Variants in GATAD2B observed in about 807,000 individuals in gnomAD.
GATAD2B encodes the protein GATA zinc finger domain containing 2B, also known as transcriptional repressor p66-beta.
A neutral mutation model predicts 64.3 loss-of-function variants in GATAD2B; 8 were observed. The ratio of observed to expected loss-of-function variants is 0.12; its 90% CI spans 0.07 to 0.22. The LOEUF (loss-of-function observed/expected upper bound fraction) is 0.22, where lower values mean the gene tolerates loss of function less well. Among genes scored for constraint, GATAD2B ranks in the 10% least tolerant of loss-of-function variants. The probability of loss-of-function intolerance (pLI) is 1.00; values close to 1 mark genes in which losing one functional copy is unlikely to be tolerated. For synonymous variants in GATAD2B, 281 were observed against 271.3 expected (o/e 1.04, Z -0.35); for missense variants, 453 against 752.0 (o/e 0.60, Z 4.65).
At chr1:153,898,001 A>C (rs1193428661) in intron 1 of GATAD2B, among the ~76,000 whole-genome samples, 2 of 138,292 alleles carry the variant, frequency 1.4e-5, no homozygotes, top group Admixed American at 8.0e-5. Flanking sequence ...AGAAAAAAAA[A>C]AACAAAAAAA....
At position 153,892,163 on chromosome 1, in the gene GATAD2B, C is replaced by CAA. The variant is rs900308080; in HGVS notation, c.-2+30568_-2+30569dup. Among the ~76,000 whole-genome samples, 437 of 48,540 alleles carry CAA rather than the reference C, an allele frequency of 9.0e-3. 1 individual carries two copies. Among genetic ancestry groups the CAA allele is most frequent in the Middle Eastern group, 0.012 (1 of 84 alleles). The allele number at this position is 48,540 out of a possible 152,430, so 31.8% of individuals were successfully genotyped here. ...CTGGCAACAGAGTGAGACTCCGTCT[C>CAA]AAAAAAAAAAAAAAAAAAAAAAGAA... On this transcript the variant is annotated intron_variant, in intron 1 of 10. Transcript: ENST00000368655.
chr1:153,817,615 G>T, intron 5 of GATAD2B, 73 bp from the exon 6 acceptor site: 1 of 1,047,964 alleles, frequency 9.5e-7, no homozygotes, highest in Non-Finnish European at 1.3e-6. Context: ...AAATGCAAAA[G>T]GGAAAACACT....
At chr1:153,861,809 T>TATATATATAC (rs1294838675) in intron 1 of GATAD2B, among the ~76,000 whole-genome samples, 2,055 of 121,394 alleles carry the variant, frequency 0.017, 49 homozygotes, top group South Asian at 0.036. Flanking sequence ...TATATATATA[T>TATATATATAC]ACACATATGT....
chr1:153,892,364 C>T (rs150143913), intron 1 of GATAD2B, among the ~76,000 whole-genome samples: 5 of 152,158 alleles, frequency 3.3e-5, no homozygotes, highest in African/African-American at 1.2e-4. Flanking sequence ...AAAGATCTAG[C>T]TGACCAAATA....
chr1:153,819,494 G>A (rs1004277978), intron 3 of GATAD2B, 112 bp downstream of exon 3: 6 of 729,504 alleles, frequency 8.2e-6, no homozygotes, highest in Non-Finnish European at 1.3e-5. Context: ...TTTCATCAAT[G>A]GGTATTTATA....
chr1:153,858,748 A>G (rs1033077222), intron 1 of GATAD2B, among the ~76,000 whole-genome samples: 5 of 152,140 alleles, frequency 3.3e-5, no homozygotes, highest in African/African-American at 1.2e-4. Context: ...GAAAAGAGAA[A>G]CAATCAAATT....
intron 1 of GATAD2B, among the ~76,000 whole-genome samples, chr1:153,922,242 G>A (rs1678467310): frequency 1.3e-5 from 2 of 151,540 alleles, no homozygotes; most frequent in Admixed American, 6.6e-5. Context: ...GACTGAGCAG[G>A]GAGCGGCCCC....
chr1:153,875,378 C>T (rs537555260), intron 1 of GATAD2B, among the ~76,000 whole-genome samples: 1 of 152,136 alleles, frequency 6.6e-6, no homozygotes, highest in African/African-American at 2.4e-5. Flanking sequence ...AAAAAAATCT[C>T]ATGTTTTAAG....
chr1:153,907,492 C>A (rs1424415604), intron 1 of GATAD2B, among the ~76,000 whole-genome samples: 1 of 151,976 alleles, frequency 6.6e-6, no homozygotes, highest in Non-Finnish European at 1.5e-5. Context: ...CCAGGAACTG[C>A]GGAGAGGGGA....
chr1:153,840,109 T>G (rs1322943202), intron 1 of GATAD2B, among the ~76,000 whole-genome samples: 6 of 133,406 alleles, frequency 4.5e-5, no homozygotes, highest in Admixed American at 1.6e-4. Flanking sequence ...CTTGTCTCAC[T>G]GCTACCTCCG....
chr1:153,897,042 T>G (rs1367903389), intron 1 of GATAD2B, among the ~76,000 whole-genome samples: 1 of 151,844 alleles, frequency 6.6e-6, no homozygotes, highest in East Asian at 1.9e-4. Flanking sequence ...ACTTTTTTTT[T>G]TTTTTTGAGA....
intron 1 of GATAD2B, among the ~76,000 whole-genome samples, chr1:153,842,722 G>A (rs1397204058): frequency 2.0e-5 from 3 of 151,852 alleles, no homozygotes; most frequent in Non-Finnish European, 4.4e-5. Flanking sequence ...GCACAATCTC[G>A]GCTCACTGCA....
intron 1 of GATAD2B, among the ~76,000 whole-genome samples, chr1:153,833,978 CTTT>C (rs145273439): frequency 6.7e-6 from 1 of 149,862 alleles, no homozygotes; most frequent in Non-Finnish European, 1.5e-5. Flanking sequence ...GTCTCTCTCT[CTTT>C]TTTTTTATGT....
intron 1 of GATAD2B, among the ~76,000 whole-genome samples, chr1:153,894,564 AAAAAAAAAAGTTT>A (rs1313127078): frequency 6.7e-6 from 1 of 149,446 alleles, no homozygotes; most frequent in Admixed American, 6.7e-5. Flanking sequence ...TACCTCAGTT[AAAAAAAAAAGTTT>A]ACGGGCCAGG....
chr1:153,823,113 A>G (rs1347956423), intron 2 of GATAD2B, among the ~76,000 whole-genome samples: 1 of 152,192 alleles, frequency 6.6e-6, no homozygotes, highest in African/African-American at 2.4e-5. Context: ...AAACTAATGA[A>G]CTAGGATTCT....
chr1:153,827,964 G>T (rs760767710), intron 2 of GATAD2B, 49 bp downstream of exon 2: 8 of 1,355,042 alleles, frequency 5.9e-6, no homozygotes, highest in Non-Finnish European at 8.4e-6. Flanking sequence ...CATTTTCACA[G>T]GCTTTATGAG....
chr1:153,866,662 C>T (rs1415925730), intron 1 of GATAD2B, among the ~76,000 whole-genome samples: 1 of 152,190 alleles, frequency 6.6e-6, no homozygotes, highest in Non-Finnish European at 1.5e-5. Context: ...TACACACACA[C>T]AAACCAAACT....
chr1:153,870,398 C>T (rs1676622239), intron 1 of GATAD2B, among the ~76,000 whole-genome samples: 1 of 152,066 alleles, frequency 6.6e-6, no homozygotes, highest in Non-Finnish European at 1.5e-5. Context: ...AGTGAAACCC[C>T]GTCTCTACTA....
At chr1:153,818,644 T>TAA in intron 4 of GATAD2B, 147 bp downstream of exon 4, 3 of 625,008 alleles carry the variant, frequency 4.8e-6, no homozygotes, top group Non-Finnish European at 8.0e-6. Flanking sequence ...GGCCTAAGAT[T>TAA]AAAAAAAAAA....
Sources: gnomAD v4.1 joint callset for allele counts (sites outside exome capture counted in the v4.1 genomes callset) on GRCh38, gnomAD v4.1.1 for gene constraint, MANE v1.5 for transcripts, NCBI Gene and HGNC (gene_info 2026-07-23, HGNC 2026-07-21) for gene names.